The following JUP variants were observed in gnomAD, a reference collection of about 807,000 sequenced individuals.
JUP encodes junction plakoglobin.
A neutral mutation model predicts 71.1 loss-of-function variants in JUP; 28 were observed. The ratio of observed to expected loss-of-function variants is 0.39; its 90% CI spans 0.29 to 0.54. The LOEUF (loss-of-function observed/expected upper bound fraction) is 0.54. JUP is among the 20% of genes least tolerant of loss of function. The probability of loss-of-function intolerance (pLI) is 0.62; values close to 1 mark genes in which losing one functional copy is unlikely to be tolerated. For missense variants in JUP, 869 were observed against 1,030.1 expected (o/e 0.84, Z 2.14); for synonymous variants, 401 against 438.9 (o/e 0.91, Z 1.08).
chr17:41,770,267 T>C (rs1806877357), intron 2 of JUP, among the ~76,000 whole-genome samples: 1 of 152,142 alleles, frequency 6.6e-6, no homozygotes, highest in African/African-American at 2.4e-5. Context: ...AAGTCAGGGC[T>C]GTGGGTTCAG....
chr17:41,767,275 T>C, intron 5 of JUP, 104 bp downstream of exon 5: 1 of 871,184 alleles, frequency 1.1e-6, no homozygotes, highest in Non-Finnish European at 1.9e-6. Context: ...TCTGCACCTA[T>C]ATCTCATCTA....
At chr17:41,779,814 T>A in intron 1 of JUP, among the ~76,000 whole-genome samples, 1 of 149,684 alleles carries the variant, frequency 6.7e-6, no homozygotes, top group East Asian at 2.0e-4. Flanking sequence ...CACGTGCACA[T>A]GCCACCATGC....
Position 41,758,974 on chromosome 17 carries a change from C to T in JUP, c.1498-104G>A, listed in dbSNP as rs182596752. 41 of 1,188,356 alleles carry T rather than the reference C, an allele frequency of 3.5e-5. No individual in the cohort carries two copies. The East Asian group carries it at 7.9e-4, about 23-fold the overall frequency. The allele number at this position is 1,188,356 out of a possible 1,614,324, so 73.6% of individuals were successfully genotyped here. On this transcript the variant is annotated intron_variant, in intron 8 of 13. Transcript: ENST00000393931. ...TTCCCTCCTTCACCTCTTCTGTCCCCGAGGCCAGACACAGACATACTGGAA... is the reference window on the plus strand; with the variant it reads ...TTCCCTCCTTCACCTCTTCTGTCCCTGAGGCCAGACACAGACATACTGGAA...
intron 1 of JUP, among the ~76,000 whole-genome samples, chr17:41,777,182 G>A (rs2046925427): frequency 6.6e-6 from 1 of 152,180 alleles, no homozygotes; most frequent in Non-Finnish European, 1.5e-5. Flanking sequence ...GAACATGGCT[G>A]AGGAGAAGGG....
intron 8 of JUP, among the ~76,000 whole-genome samples, chr17:41,762,286 G>A (rs903405606): frequency 4.0e-5 from 6 of 149,314 alleles, no homozygotes; most frequent in African/African-American, 1.2e-4. Context: ...TGTTACCCAC[G>A]ATGGTCTCAA....
At chr17:41,759,369 C>G (rs1555600123) in intron 8 of JUP, among the ~76,000 whole-genome samples, 1 of 152,086 alleles carries the variant, frequency 6.6e-6, no homozygotes, top group Non-Finnish European at 1.5e-5. Context: ...GCTACCACGT[C>G]CGGCTGCTCA....
At chr17:41,783,893 CAAAAAAAAAAAA>C (rs35672991) in intron 1 of JUP, among the ~76,000 whole-genome samples, 3 of 82,000 alleles carry the variant, frequency 3.7e-5, no homozygotes, top group African/African-American at 1.5e-4. Context: ...GACTCCATCT[CAAAAAAAAAAAA>C]AAAAAAAAAA....
At chr17:41,764,294 G>C (rs1460942827) in intron 7 of JUP, among the ~76,000 whole-genome samples, 2 of 152,178 alleles carry the variant, frequency 1.3e-5, no homozygotes, top group African/African-American at 4.8e-5. Flanking sequence ...CAGCACTTTG[G>C]GAGGCCAAGG....
chr17:41,764,834 G>A lies in JUP; in HGVS notation c.1055-18C>T. ...CATCCCACCTGGGGCAGGGATAGGG[G>A]TGCCATCAGCCACGGGGAGCATGGC... On this transcript the variant is annotated intron_variant, in intron 6 of 13. Coordinates refer to ENST00000393931, the MANE Select transcript of JUP (RefSeq NM_002230.4). The A allele has an allele frequency of 1.2e-6, 2 of 1,613,620 alleles. No individual in the cohort carries two copies. Among genetic ancestry groups the A allele is most frequent in the Middle Eastern group, 1.7e-4 (1 of 6,050 alleles).
intron 7 of JUP, 72 bp downstream of exon 7, chr17:41,764,641 G>T: frequency 1.6e-6 from 2 of 1,243,548 alleles, no homozygotes; most frequent in Non-Finnish European, 1.2e-6. Flanking sequence ...AGTACCTCAG[G>T]TCAGATGCCC....
In JUP at chr17:41,758,480, G is replaced by A. The variant is rs781958880; in HGVS notation, c.1692C>T (p.Thr564=). 2.0e-5 allele frequency: 33 copies of A among 1,613,730 alleles called. No homozygotes were observed. Among genetic ancestry groups the A allele is most frequent in the Middle Eastern group, 1.6e-4 (1 of 6,080 alleles). ...CCCGGGCGAGGATGTGCAGTGCTCC[G>A]GTGCAGCCCTCCACAATCTCCTCCA... ...VRMEEIVEGC[T]GALHILARDP... is the part of the protein sequence containing the mutation. Residue 564 remains threonine, a synonymous_variant, in exon 10 of 14, where the codon ACC becomes ACT. Transcript: ENST00000393931.
rs370337094 is a variant in JUP at position 41,756,624 on chromosome 17, C to T, written c.2047-410G>A. 3.3e-3 allele frequency among the ~76,000 whole-genome samples: 482 copies of T among 146,714 alleles called. 3 individuals are homozygous for T. The highest frequency in any genetic ancestry group is 0.011 in the African/African-American group (442 of 39,304). On this transcript the variant is annotated intron_variant, in intron 12 of 13. Coordinates refer to ENST00000393931, the MANE Select transcript of JUP (RefSeq NM_002230.4). ...CGAAAAAAATAAAAAATAGGCTGGGCGCAGTGGCTCACGCCTGTAATCCCA... is the reference window on the plus strand; with the variant it reads ...CGAAAAAAATAAAAAATAGGCTGGGTGCAGTGGCTCACGCCTGTAATCCCA...
intron 1 of JUP, among the ~76,000 whole-genome samples, chr17:41,778,589 G>T (rs2046998488): frequency 6.6e-6 from 1 of 151,552 alleles, no homozygotes; most frequent in African/African-American, 2.4e-5. Flanking sequence ...ATATACAGGG[G>T]ATGAGCTCAT....
At chr17:41,780,008 G>C (rs1399496520) in intron 1 of JUP, among the ~76,000 whole-genome samples, 1 of 152,036 alleles carries the variant, frequency 6.6e-6, no homozygotes, top group Non-Finnish European at 1.5e-5. Flanking sequence ...AAGAGGAGGA[G>C]TCTCCCCTAA....
intron 2 of JUP, 126 bp from the exon 3 acceptor site, chr17:41,769,803 G>T: frequency 9.6e-7 from 1 of 1,046,890 alleles, no homozygotes; most frequent in Non-Finnish European, 1.4e-6. Flanking sequence ...CAAACCCCCA[G>T]CACATGACTG....
chr17:41,759,315 T>G (rs1281299505), intron 8 of JUP, among the ~76,000 whole-genome samples: 1 of 152,118 alleles, frequency 6.6e-6, no homozygotes, highest in Non-Finnish European at 1.5e-5. Context: ...CCTCAGGTGA[T>G]CCGCCTGCTT....
intron 5 of JUP, among the ~76,000 whole-genome samples, chr17:41,765,336 A>G (rs1052673036): frequency 7.2e-6 from 1 of 138,460 alleles, no homozygotes; most frequent in Non-Finnish European, 1.6e-5. Flanking sequence ...ACACCCAGCC[A>G]AGCACCCCAA....
Position 41,755,210 on chromosome 17 carries a change from C to T in JUP, c.*534G>A, listed in dbSNP as rs943450309. The T allele has an allele frequency of 1.0e-5, 4 of 398,686 alleles. No homozygotes were observed. 24.7% of individuals were successfully genotyped at this position (398,686 alleles called of 1,614,324 possible). A position where few individuals can be genotyped will look rare whatever the true frequency, so the allele number is the denominator to read the frequency against. ...ACAGAATGGGTACTTGAGTCTGAAG[C>T]TTTAGTGGCCAGGGCCACAGGGGCG... On this transcript the variant is annotated 3_prime_UTR_variant, in exon 14 of 14. Coordinates refer to ENST00000393931, the MANE Select transcript of JUP (RefSeq NM_002230.4).
Position 41,757,711 on chromosome 17 carries a change from T to C in JUP, c.1847A>G (p.Glu616Gly), listed in dbSNP as rs1914080854. ...CTCTGCATCAATGGCGTCGGCCGCCTCCTTGTCCTGGGCCAGCTCACACAG... is the reference window on the plus strand; with the variant it reads ...CTCTGCATCAATGGCGTCGGCCGCCCCCTTGTCCTGGGCCAGCTCACACAG... ...GVLCELAQDK[E>G]AADAIDAEGA... Residue 616 changes from glutamate to glycine, a missense_variant, in exon 11 of 14, where the codon GAG (glutamate) becomes GGG (glycine). Physicochemically the swap from Glu to Gly is moderately conservative, Grantham distance 98. Transcript: ENST00000393931. 6.2e-7 allele frequency: 1 copy of C among 1,613,104 alleles called. No homozygotes were observed. The highest frequency in any genetic ancestry group is 1.3e-5 in the African/African-American group (1 of 74,832).
Sources: gnomAD v4.1 joint callset for allele counts (sites outside exome capture counted in the v4.1 genomes callset) on GRCh38, gnomAD v4.1.1 for gene constraint, MANE v1.5 for transcripts, NCBI Gene and HGNC (gene_info 2026-07-23, HGNC 2026-07-21) for gene names.